Variants in NLGN3 observed in about 807,000 individuals in gnomAD.
NLGN3 encodes the protein neuroligin-3.
A neutral mutation model predicts 42.9 loss-of-function variants in NLGN3; 11 were observed. The observed-to-expected ratio is 0.26, with a 90% CI of 0.16 to 0.42. NLGN3 has a LOEUF of 0.42. Among genes scored for constraint, NLGN3 ranks in the 10% least tolerant of loss-of-function variants. The probability of loss-of-function intolerance (pLI) is 1.00; values close to 1 mark genes in which losing one functional copy is unlikely to be tolerated. For synonymous variants in NLGN3, 279 were observed against 312.7 expected, an observed-to-expected ratio of 0.89 and a Z score of 1.14; for missense variants, 374 against 733.8, an observed-to-expected ratio of 0.51 and a Z score of 5.67.
At chrX:71,172,524 C>T (rs1021374898), downstream of NLGN3, among the ~76,000 whole-genome samples, 8 of 111,476 alleles carry the variant, frequency 7.2e-5, no homozygotes, top group African/African-American at 2.3e-4. Context: ...CATGATGGGT[C>T]TACCCTTGGC....
At chrX:71,157,480 T>C (rs886938645) in intron 5 of NLGN3, among the ~76,000 whole-genome samples, 6 of 109,649 alleles carry the variant, frequency 5.5e-5, no homozygotes, top group African/African-American at 2.0e-4. Context: ...CCTGCTACCA[T>C]GCCAGGCTAA....
At chrX:71,155,142 C>T in intron 4 of NLGN3, 72 bp from the exon 5 acceptor site, 1 of 1,158,442 alleles carries the variant, frequency 8.6e-7, no homozygotes, top group East Asian at 3.0e-5. Context: ...CCCGCACCCA[C>T]CCCCTGGGCT....
rs761552401 is a variant in NLGN3 at position 71,148,217 on chromosome X, C to T, written c.457+11C>T. 7 of 1,183,347 alleles carry T rather than the reference C, an allele frequency of 5.9e-6. No homozygotes were observed. Among genetic ancestry groups the T allele is most frequent in the South Asian group, 3.6e-5 (2 of 56,213 alleles). On this transcript the variant is annotated intron_variant, in intron 2 of 7. Transcript: ENST00000358741. ...TGCCGACGGAGGATGGTGAGTGCTG[C>T]GGCCAGGCACTGTGCCCTCCCTGCC...
At chrX:71,164,785 G>A (rs2092441487) in intron 6 of NLGN3, among the ~76,000 whole-genome samples, 1 of 111,481 alleles carries the variant, frequency 9.0e-6, no homozygotes, top group Non-Finnish European at 1.9e-5. Context: ...AGAGGGGGAA[G>A]TGGGTCTGAA....
At chrX:71,161,120 T>C (rs1273205549) in intron 5 of NLGN3, among the ~76,000 whole-genome samples, 2 of 106,182 alleles carry the variant, frequency 1.9e-5, no homozygotes, top group African/African-American at 3.4e-5. Context: ...TCTTTCTTTT[T>C]TTTTTTTTTT....
At chrX:71,154,762 T>C (rs1162750403) in intron 4 of NLGN3, among the ~76,000 whole-genome samples, 1 of 111,506 alleles carries the variant, frequency 9.0e-6, no homozygotes, top group Non-Finnish European at 1.9e-5. Flanking sequence ...CTGCTGCCAA[T>C]GGCCGTTTTT....
chrX:71,172,272 G>C (rs986188363), downstream of NLGN3, among the ~76,000 whole-genome samples: 14 of 111,148 alleles, frequency 1.3e-4, no homozygotes, highest in African/African-American at 4.6e-4. Context: ...CCTGCATATA[G>C]TAACAAAAAC....
At chrX:71,171,755 G>C (rs936749328), downstream of NLGN3, 2 of 608,190 alleles carry the variant, frequency 3.3e-6, no homozygotes. Context: ...ATTAGAACTG[G>C]AGAAGTCCTT....
Position 71,164,328 on chromosome X carries a change from G to C in NLGN3, c.913G>C (p.Gly305Arg). 2 of 1,210,855 alleles carry C rather than the reference G, an allele frequency of 1.7e-6. No homozygotes were observed. Among genetic ancestry groups the C allele is most frequent in the Non-Finnish European group, 2.2e-6 (2 of 895,022 alleles). ...SLLTLSHHSE[G>R]LFQRAIIQSG... Reference sequence around the variant, plus strand: ...CCTCACGTTGTCACATCACTCAGAGGGTGAGTAACTCGTGGGGCAAAACAT... The same window carrying C: ...CCTCACGTTGTCACATCACTCAGAGCGTGAGTAACTCGTGGGGCAAAACAT... The change falls in exon 6 of 8, where the codon GGA becomes CGA. Residue 305 changes from glycine (G) to arginine (R), a missense_variant and splice_region_variant. Physicochemically the swap from Gly to Arg is moderately radical, Grantham distance 125 (BLOSUM62 -2). Transcript: ENST00000358741.
At chrX:71,160,771 G>A (rs2092427271) in intron 5 of NLGN3, among the ~76,000 whole-genome samples, 1 of 112,370 alleles carries the variant, frequency 8.9e-6, no homozygotes, top group Admixed American at 9.4e-5. Context: ...TACCCTCCAG[G>A]CAAACCGAAA....
chrX:71,170,709 A>G lies in NLGN3; in HGVS notation c.*612A>G. The G allele has an allele frequency of 1.3e-6, 1 of 760,404 alleles. No homozygotes were observed. Among genetic ancestry groups the G allele is most frequent in the Non-Finnish European group, 1.6e-6 (1 of 642,899 alleles). The allele number at this position is 760,404 out of a possible 1,213,427, so 62.7% of individuals were successfully genotyped here. On this transcript the variant is annotated 3_prime_UTR_variant, in exon 8 of 8. Transcript: ENST00000358741. ...TCACACAATCAGACCAAGGAACAAG[A>G]CCCCCAGGAAGGAAACAGATTTAAG... is the stretch of plus-strand genomic sequence containing the variant.
chrX:71,174,240 A>G (rs1401981461), downstream of NLGN3, among the ~76,000 whole-genome samples: 1 of 111,915 alleles, frequency 8.9e-6, no homozygotes, highest in Non-Finnish European at 1.9e-5. Flanking sequence ...GAGAGCCGTA[A>G]GCTGCCTTGA....
chrX:71,170,900 C>A lies in NLGN3; in HGVS notation c.*803C>A, dbSNP rs981647733. On this transcript the variant is annotated 3_prime_UTR_variant, in exon 8 of 8. Transcript: ENST00000358741. ...GCATTGGCCTGGCCAGACCAGGTGA[C>A]CTTAGATTTGGTGAACAACGTACTA... is the stretch of plus-strand genomic sequence containing the variant. 3 of 753,166 alleles carry A rather than the reference C, an allele frequency of 4.0e-6. No individual in the cohort carries two copies. Among genetic ancestry groups the A allele is most frequent in the African/African-American group, 4.6e-5 (2 of 43,235 alleles). The allele number at this position is 753,166 out of a possible 1,213,427, so 62.1% of individuals were successfully genotyped here. A position where few individuals can be genotyped will look rare whatever the true frequency, so the allele number is the denominator to read the frequency against.
intron 1 of NLGN3, among the ~76,000 whole-genome samples, chrX:71,147,263 G>A (rs978545043): frequency 3.6e-5 from 4 of 111,636 alleles, no homozygotes; most frequent in African/African-American, 6.5e-5. Context: ...GGCTCCAGCC[G>A]ACCCTGATGA....
intron 4 of NLGN3, among the ~76,000 whole-genome samples, chrX:71,154,540 G>A (rs778926275): frequency 9.2e-4 from 103 of 112,469 alleles, no homozygotes; most frequent in Non-Finnish European, 1.6e-3. Flanking sequence ...AGCAGGCTCT[G>A]TCATTCTTAG....
Position 71,155,230 on chromosome X carries a change from T to C in NLGN3, c.594T>C (p.Gly198=), listed in dbSNP as rs144247281. The change falls in exon 5 of 8, where the codon GGT becomes GGC. Residue 198 remains glycine, a synonymous_variant. Coordinates refer to ENST00000358741, the MANE Select transcript of NLGN3 (RefSeq NM_181303.2). ...TCCTTGCAGACATCCGGGACAGTGG[T>C]GCTAAACCCGTCATGGTCTACATCC... ...GDEDEDIRDS[G]AKPVMVYIHG... is the part of the protein sequence containing the mutation. 935 of 1,210,294 alleles carry C rather than the reference T, an allele frequency of 7.7e-4. No homozygotes were observed. The highest frequency in any genetic ancestry group is 3.0e-3 in the Middle Eastern group (13 of 4,336).
At chrX:71,149,893 C>T (rs147942917) in intron 3 of NLGN3, among the ~76,000 whole-genome samples, 1,304 of 111,433 alleles carry the variant, frequency 0.012, 12 homozygotes, top group Middle Eastern at 0.023. Flanking sequence ...GCCTAAGGAA[C>T]AGGTGGAAAA....
intron 1 of NLGN3, among the ~76,000 whole-genome samples, chrX:71,146,361 G>A (rs2092370596): frequency 9.2e-6 from 1 of 108,183 alleles, no homozygotes; most frequent in African/African-American, 3.4e-5. Context: ...TGCATGTGGC[G>A]TGGGTGTGCG....
downstream of NLGN3, among the ~76,000 whole-genome samples, chrX:71,174,383 G>C: frequency 8.9e-6 from 1 of 112,012 alleles, no homozygotes; most frequent in Non-Finnish European, 1.9e-5. Flanking sequence ...GCAGCCTAGA[G>C]ATGGGTAAAC....
Sources: gnomAD v4.1 joint callset for allele counts (sites outside exome capture counted in the v4.1 genomes callset) on GRCh38, gnomAD v4.1.1 for gene constraint, MANE v1.5 for transcripts, NCBI Gene and HGNC (gene_info 2026-07-23, HGNC 2026-07-21) for gene names.